LRP1B: variants seen among roughly 807,000 people sequenced by gnomAD.
The protein encoded by LRP1B is LDL receptor related protein 1B.
A neutral mutation model predicts 556.6 loss-of-function variants in LRP1B; 217 were observed. The ratio of observed to expected loss-of-function variants is 0.39; its 90% CI spans 0.35 to 0.44. The LOEUF (loss-of-function observed/expected upper bound fraction) is 0.44. Ranked by LOEUF, LRP1B falls within the 20% of genes least tolerant of loss-of-function variation. The pLI is 1.00. For missense variants in LRP1B, 5,053 were observed against 5,620.8 expected (o/e 0.90, Z 3.23); for synonymous variants, 2,047 against 1,865.8 (o/e 1.10, Z -2.50).
intron 11 of LRP1B, among the ~76,000 whole-genome samples, chr2:141,020,854 C>T (rs995947888): frequency 6.6e-6 from 1 of 151,868 alleles, no homozygotes; most frequent in East Asian, 1.9e-4. Context: ...TACTTATGGT[C>T]TATTATCATT....
intron 35 of LRP1B, 131 bp downstream of exon 35, chr2:140,769,082 A>T: frequency 2.4e-6 from 2 of 819,758 alleles, no homozygotes; most frequent in Non-Finnish European, 3.8e-6. Context: ...TGGCCTTAAT[A>T]TTTATCTATT....
At chr2:141,524,759 A>G (rs1434373348) in intron 2 of LRP1B, among the ~76,000 whole-genome samples, 1 of 151,798 alleles carries the variant, frequency 6.6e-6, no homozygotes, top group Non-Finnish European at 1.5e-5. Context: ...ACTCTTATGA[A>G]AAAGAAAGAG....
intron 3 of LRP1B, among the ~76,000 whole-genome samples, chr2:141,463,620 T>A (rs545386022): frequency 7.6e-5 from 5 of 65,798 alleles, no homozygotes; most frequent in South Asian, 3.3e-4. Flanking sequence ...TATAATTATG[T>A]ATTATATATT....
intron 67 of LRP1B, among the ~76,000 whole-genome samples, chr2:140,381,908 A>T (rs1158130970): frequency 2.0e-5 from 3 of 151,174 alleles, no homozygotes; most frequent in Admixed American, 2.0e-4. Context: ...AACAAAATAC[A>T]GGGGCATCAT....
chr2:140,832,643 A>C (rs968087771), intron 31 of LRP1B, among the ~76,000 whole-genome samples: 1 of 152,212 alleles, frequency 6.6e-6, no homozygotes, highest in African/African-American at 2.4e-5. Context: ...CGAGGCACAG[A>C]AGGACAAATA....
At chr2:141,286,878 G>T in intron 3 of LRP1B, 3 of 308,704 alleles carry the variant, frequency 9.7e-6, no homozygotes, top group South Asian at 7.6e-5. Flanking sequence ...TTCTACATCG[G>T]CATTGCCCAA....
At chr2:141,981,918 A>G (rs555343232) in intron 1 of LRP1B, among the ~76,000 whole-genome samples, 178 of 152,066 alleles carry the variant, frequency 1.2e-3, no homozygotes, top group Admixed American at 2.8e-3. Context: ...CCCAGGAGAC[A>G]ATGAAAGTCA....
At chr2:141,635,725 C>T (rs1016167598) in intron 2 of LRP1B, among the ~76,000 whole-genome samples, 4 of 152,170 alleles carry the variant, frequency 2.6e-5, no homozygotes, top group Non-Finnish European at 5.9e-5. Context: ...TATATTTTGG[C>T]TTAAGCCAAC....
chr2:141,626,787 G>C (rs10177900), intron 2 of LRP1B, among the ~76,000 whole-genome samples: 33,824 of 152,112 alleles, frequency 0.22, 4,709 homozygotes, highest in African/African-American at 0.39. Context: ...AAATCCAGAA[G>C]ATTGACAACA....
At chr2:140,233,494 TTACTC>T (rs1367016323) in intron 90 of LRP1B, among the ~76,000 whole-genome samples, 168 bp from the exon 91 acceptor site, 8 of 151,220 alleles carry the variant, frequency 5.3e-5, no homozygotes, top group East Asian at 3.9e-4. Flanking sequence ...TTTACAGACT[TTACTC>T]AACTCAAGCA....
At chr2:140,494,437 T>C (rs556535110) in intron 56 of LRP1B, among the ~76,000 whole-genome samples, 51 of 151,952 alleles carry the variant, frequency 3.4e-4, no homozygotes, top group African/African-American at 1.1e-3. Flanking sequence ...CCATCTCTAC[T>C]GAAAATACAA....
intron 43 of LRP1B, among the ~76,000 whole-genome samples, chr2:140,550,164 A>G (rs1680494524): frequency 6.6e-6 from 1 of 152,036 alleles, no homozygotes; most frequent in African/African-American, 2.4e-5. Context: ...TGCACTCAAG[A>G]CTTTTAAAAA....
chr2:140,801,733 A>G (rs896162454), intron 32 of LRP1B, among the ~76,000 whole-genome samples: 1 of 152,200 alleles, frequency 6.6e-6, no homozygotes, highest in African/African-American at 2.4e-5. Context: ...AAAGAAAATG[A>G]GCATTTCTGA....
At chr2:140,233,362 T>C (rs373637506) in intron 90 of LRP1B, 36 bp from the exon 91 acceptor site, 3 of 1,485,766 alleles carry the variant, frequency 2.0e-6, no homozygotes, top group Non-Finnish European at 2.7e-6. Flanking sequence ...ATTTTATTAC[T>C]GGTCTTGGCC....
chr2:141,697,965 C>T (rs983379243), intron 2 of LRP1B, among the ~76,000 whole-genome samples: 1 of 151,916 alleles, frequency 6.6e-6, no homozygotes, highest in African/African-American at 2.4e-5. Flanking sequence ...TTAGCACCAA[C>T]ATTCTCTGTT....
At chr2:140,344,066 T>C (rs1470716636) in intron 77 of LRP1B, among the ~76,000 whole-genome samples, 1 of 151,784 alleles carries the variant, frequency 6.6e-6, no homozygotes, top group Non-Finnish European at 1.5e-5. Flanking sequence ...TATTTGAATA[T>C]GTAGAGCTTA....
intron 86 of LRP1B, among the ~76,000 whole-genome samples, chr2:140,257,146 T>A (rs990065619): frequency 1.3e-5 from 2 of 152,056 alleles, no homozygotes; most frequent in African/African-American, 4.8e-5. Context: ...TAAAGTTAAT[T>A]TGGGATCAAG....
intron 5 of LRP1B, among the ~76,000 whole-genome samples, chr2:141,234,311 G>T (rs1228920328): frequency 6.6e-6 from 1 of 152,120 alleles, no homozygotes; most frequent in African/African-American, 2.4e-5. Context: ...TGTAAGAAGT[G>T]AATTACTAAT....
chr2:141,881,258 T>C (rs1031836856), intron 1 of LRP1B, among the ~76,000 whole-genome samples: 1 of 152,150 alleles, frequency 6.6e-6, no homozygotes, highest in Non-Finnish European at 1.5e-5. Flanking sequence ...CTCTGAAGTA[T>C]GCAGCAAATA....
Sources: allele counts gnomAD v4.1 joint callset (sites outside exome capture counted in the v4.1 genomes callset), GRCh38; gene constraint gnomAD v4.1.1; transcripts MANE v1.5; gene names NCBI Gene and HGNC (gene_info 2026-07-23, HGNC 2026-07-21).